Variants in RXFP1 observed in about 807,000 individuals in gnomAD.
RXFP1 encodes relaxin family peptide receptor 1.
A neutral mutation model predicts 89.8 loss-of-function variants in RXFP1; 73 were observed. The observed-to-expected ratio is 0.81, with a 90% confidence interval of 0.67 to 0.99. RXFP1 has a LOEUF of 0.99. RXFP1 is among the 50% of genes least tolerant of loss of function. The probability of loss-of-function intolerance (pLI) is 0.00; values close to 1 mark genes in which losing one functional copy is unlikely to be tolerated. For missense variants in RXFP1, 793 were observed against 895.5 expected (o/e 0.89, Z 1.46); for synonymous variants, 277 against 305.5 (o/e 0.91, Z 0.97).
Position 158,601,023 on chromosome 4 carries a change from A to G in RXFP1, c.392+1592A>G, listed in dbSNP as rs1286117330. 1.3e-5 allele frequency among the ~76,000 whole-genome samples: 2 copies of G among 152,138 alleles called. 1 individual carries two copies. Among genetic ancestry groups the G allele is most frequent in the East Asian group, 3.9e-4 (2 of 5,194 alleles). On this transcript the variant is annotated intron_variant, in intron 4 of 17. Coordinates refer to ENST00000307765, the MANE Select transcript of RXFP1 (RefSeq NM_021634.4). ...TCAACCAACATTTGTAAAATAAAGA[A>G]CAGAGAGAGAAAGCTGGGGGAATGG...
chr4:158,652,041 A>C lies in RXFP1; in HGVS notation c.2260A>C (p.Asn754His). Reference protein sequence around the residue: ...MSLISQSTRLNSYS With the variant: ...MSLISQSTRLHSYS ...ACTGATTTCTCAATCAACGAGACTC[A>C]ATTCCTATTCATGACTGACTCTGAA... The change falls in exon 18 of 18, where the codon AAT becomes CAT. Residue 754 changes from asparagine to histidine, a missense_variant. Coordinates refer to ENST00000307765, the MANE Select transcript of RXFP1 (RefSeq NM_021634.4). 1 of 1,611,332 alleles carries C rather than the reference A, an allele frequency of 6.2e-7. No individual in the cohort carries two copies. Among genetic ancestry groups the C allele is most frequent in the Non-Finnish European group, 8.5e-7 (1 of 1,178,176 alleles).
At chr4:158,546,783 A>T (rs567700873) in intron 1 of RXFP1, among the ~76,000 whole-genome samples, 2 of 152,066 alleles carry the variant, frequency 1.3e-5, no homozygotes, top group African/African-American at 4.8e-5. Flanking sequence ...CCAGCCTTGC[A>T]TCCCAGGGAT....
intron 1 of RXFP1, among the ~76,000 whole-genome samples, chr4:158,545,393 G>T (rs1748038790): frequency 6.6e-6 from 1 of 152,092 alleles, no homozygotes; most frequent in African/African-American, 2.4e-5. Context: ...CTCCCATTTT[G>T]TAGGTTGTCT....
chr4:158,595,012 C>T (rs1340713757), intron 3 of RXFP1, among the ~76,000 whole-genome samples: 3 of 152,036 alleles, frequency 2.0e-5, no homozygotes, highest in Admixed American at 6.5e-5. Flanking sequence ...TGTCTTTAGT[C>T]GTAGATATAA....
chr4:158,637,403 C>T (rs1054585497), intron 12 of RXFP1, among the ~76,000 whole-genome samples: 4 of 152,102 alleles, frequency 2.6e-5, no homozygotes, highest in Non-Finnish European at 4.4e-5. Flanking sequence ...ATCCTCAACC[C>T]TTATCTTTCA....
intron 2 of RXFP1, among the ~76,000 whole-genome samples, chr4:158,592,905 T>C (rs758181005): frequency 1.3e-5 from 2 of 148,194 alleles, no homozygotes; most frequent in Non-Finnish European, 2.9e-5. Context: ...CTGGCCAACA[T>C]AGTGAAACCC....
At chr4:158,646,171 A>G in intron 15 of RXFP1, 1 of 287,300 alleles carries the variant, frequency 3.5e-6, no homozygotes, top group South Asian at 3.1e-5. Flanking sequence ...AAAAAGAGAC[A>G]GAAAAAGATG....
At chr4:158,542,038 GCCTCCC>G (rs1172619497) in intron 1 of RXFP1, among the ~76,000 whole-genome samples, 1 of 137,158 alleles carries the variant, frequency 7.3e-6, no homozygotes, top group African/African-American at 2.7e-5. Context: ...TTCTGCCTCA[GCCTCCC>G]GAGTAGCTGG....
At chr4:158,611,310 G>A (rs1279838552) in intron 6 of RXFP1, among the ~76,000 whole-genome samples, 1 of 149,652 alleles carries the variant, frequency 6.7e-6, no homozygotes, top group Non-Finnish European at 1.5e-5. Flanking sequence ...AGACATGAGT[G>A]AACATGGCAA....
chr4:158,548,366 C>T (rs1376653398), intron 1 of RXFP1, among the ~76,000 whole-genome samples: 1 of 152,114 alleles, frequency 6.6e-6, no homozygotes, highest in Non-Finnish European at 1.5e-5. Flanking sequence ...GATGGGTTTC[C>T]TGAATACAGC....
rs762718131 is a variant in RXFP1 at position 158,644,880 on chromosome 4, TC to T, written c.1116-28del. ...TGGTGACACTGAATTAAATGGAAAATCTTATTTTACTTTCTCTTTGTACACC... is the reference window on the plus strand; with the variant it reads ...TGGTGACACTGAATTAAATGGAAAATTTATTTTACTTTCTCTTTGTACACC... On this transcript the variant is annotated intron_variant, in intron 14 of 17. Transcript: ENST00000307765. 69 of 1,477,686 alleles carry T rather than the reference TC, an allele frequency of 4.7e-5. 1 individual carries two copies. The South Asian group carries it at 6.5e-4, about 14-fold the overall frequency. The allele number at this position is 1,477,686 out of a possible 1,614,324, so 91.5% of individuals were successfully genotyped here.
intron 5 of RXFP1, chr4:158,607,131 G>T: frequency 1.3e-6 from 2 of 1,535,324 alleles, no homozygotes; most frequent in Non-Finnish European, 1.7e-6. Context: ...CGCAATCTGG[G>T]GCAAGTACAC....
intron 14 of RXFP1, among the ~76,000 whole-genome samples, chr4:158,640,965 G>A (rs1189963857): frequency 6.6e-6 from 1 of 152,116 alleles, no homozygotes; most frequent in Non-Finnish European, 1.5e-5. Flanking sequence ...TGCTTTAGAA[G>A]CACTTTTTTA....
chr4:158,537,389 A>G (rs1485242088), intron 1 of RXFP1, among the ~76,000 whole-genome samples: 2 of 152,026 alleles, frequency 1.3e-5, no homozygotes, highest in African/African-American at 4.8e-5. Context: ...TGTAGTCCCT[A>G]GAGTGTCTAT....
chr4:158,629,730 T>C (rs1451222662), intron 11 of RXFP1, among the ~76,000 whole-genome samples: 1 of 152,000 alleles, frequency 6.6e-6, no homozygotes, highest in Non-Finnish European at 1.5e-5. Flanking sequence ...TGGACTCAAG[T>C]GATCCTCCCA....
intron 6 of RXFP1, 75 bp downstream of exon 6, chr4:158,608,118 C>T: frequency 1.0e-6 from 1 of 976,484 alleles, no homozygotes; most frequent in Non-Finnish European, 1.6e-6. Flanking sequence ...CCAGACCAGC[C>T]TCCCTGTCCA....
rs10029112 is a variant in RXFP1, at chr4:158,568,175, G to A, written c.50-4523G>A. Among the ~76,000 whole-genome samples the A allele has an allele frequency of 2.8e-3, 420 of 152,262 alleles. 1 individual carries two copies. The highest frequency in any genetic ancestry group is 9.8e-3 in the African/African-American group (408 of 41,544). On this transcript the variant is annotated intron_variant, in intron 1 of 17. Transcript: ENST00000307765. ...GAAGGAAGAAACTCCAAACAAATCC[G>A]AACATCAGAACTCTAGACTCGCTGC... is the stretch of plus-strand genomic sequence containing the variant.
intron 11 of RXFP1, among the ~76,000 whole-genome samples, chr4:158,632,864 A>T (rs188588294): frequency 3.1e-3 from 477 of 152,320 alleles, no homozygotes; most frequent in Non-Finnish European, 5.3e-3. Context: ...AAGAATGAGA[A>T]AATGCGATTG....
At chr4:158,522,081 A>G in intron 1 of RXFP1, 56 bp downstream of exon 1, 1 of 1,041,140 alleles carries the variant, frequency 9.6e-7, no homozygotes, top group Non-Finnish European at 1.5e-6. Context: ...GAATAACCAC[A>G]AGCACAAATG....
Sources: gnomAD v4.1 joint callset for allele counts (sites outside exome capture counted in the v4.1 genomes callset) on GRCh38, gnomAD v4.1.1 for gene constraint, MANE v1.5 for transcripts, NCBI Gene and HGNC (gene_info 2026-07-23, HGNC 2026-07-21) for gene names.